KCNJ10: variants seen among roughly 807,000 people sequenced by gnomAD.
The protein encoded by KCNJ10 is potassium inwardly rectifying channel subfamily J member 10, also known as ATP-sensitive inward rectifier potassium channel 10.
KCNJ10 carries 9 observed loss-of-function variants against 22.2 expected under a neutral mutation model. The ratio of observed to expected loss-of-function variants is 0.40; its 90% CI spans 0.24 to 0.71. KCNJ10 has a LOEUF of 0.71. Ranked by LOEUF, KCNJ10 falls within the 30% of genes least tolerant of loss-of-function variation. The probability of loss-of-function intolerance (pLI) is 0.35; values close to 1 mark genes in which losing one functional copy is unlikely to be tolerated. For missense variants in KCNJ10, 337 were observed against 482.7 expected (o/e 0.70, Z 2.83); for synonymous variants, 184 against 187.3 (o/e 0.98, Z 0.15).
chr1:160,047,766 T>G (rs976054009), intron 1 of KCNJ10, among the ~76,000 whole-genome samples: 1 of 152,056 alleles, frequency 6.6e-6, no homozygotes, highest in Admixed American at 6.5e-5. Context: ...GGGATCTCAC[T>G]CTGTTACCCA....
chr1:160,053,397 GGA>G (rs1456135877), intron 1 of KCNJ10, among the ~76,000 whole-genome samples: 1 of 152,202 alleles, frequency 6.6e-6, no homozygotes, highest in Non-Finnish European at 1.5e-5. Flanking sequence ...AGAAAATGAA[GGA>G]GAGGGGTAAG....
chr1:160,045,108 AT>A (rs1275547981), intron 1 of KCNJ10, among the ~76,000 whole-genome samples: 55 of 152,228 alleles, frequency 3.6e-4, no homozygotes, highest in Admixed American at 2.7e-3. Context: ...ACTTCAGGAG[AT>A]TTTTGACAAG....
intron 1 of KCNJ10, among the ~76,000 whole-genome samples, chr1:160,049,133 C>T (rs1208242826): frequency 2.6e-5 from 4 of 152,148 alleles, no homozygotes; most frequent in Non-Finnish European, 4.4e-5. Context: ...TAGATTCATG[C>T]CCAGGTCCCG....
chr1:160,068,304 G>A (rs1415805963), intron 1 of KCNJ10, among the ~76,000 whole-genome samples: 4 of 152,054 alleles, frequency 2.6e-5, no homozygotes. Flanking sequence ...CTCCATCGGT[G>A]GAGTCATTGC....
chr1:160,043,058 A>G (rs929042969), intron 1 of KCNJ10, among the ~76,000 whole-genome samples: 2 of 152,188 alleles, frequency 1.3e-5, no homozygotes, highest in Admixed American at 1.3e-4. Flanking sequence ...ACACAGTCTG[A>G]TATTTGTAAT....
intron 1 of KCNJ10, among the ~76,000 whole-genome samples, chr1:160,066,454 G>C (rs966515792): frequency 2.0e-5 from 3 of 152,192 alleles, no homozygotes; most frequent in Admixed American, 1.3e-4. Context: ...AACAAGGAAA[G>C]ATGACACAGT....
In KCNJ10 at chr1:160,052,267, T is replaced by C. The variant is rs573597983; in HGVS notation, c.1-9735A>G. ...ATTATCTTAGGTTTGAAGGTCTTTC[T>C]GAACCAATCACTGTTTGGTAAAGAC... is the stretch of plus-strand genomic sequence containing the variant. On this transcript the variant is annotated intron_variant, in intron 1 of 1. Transcript: ENST00000644903. Among the ~76,000 whole-genome samples the C allele has an allele frequency of 1.1e-4, 16 of 152,338 alleles. No homozygotes were observed. In the South Asian group the frequency reaches 2.9e-3, roughly 28 times the overall value.
chr1:160,048,401 T>G (rs993273011), intron 1 of KCNJ10, among the ~76,000 whole-genome samples: 5 of 152,206 alleles, frequency 3.3e-5, no homozygotes, highest in African/African-American at 1.2e-4. Context: ...GGGCCAACTG[T>G]TCCATTTGCA....
intron 1 of KCNJ10, among the ~76,000 whole-genome samples, chr1:160,060,374 T>C (rs1482808108): frequency 6.6e-6 from 1 of 151,990 alleles, no homozygotes; most frequent in Admixed American, 6.6e-5. Context: ...AGCAAAAGAA[T>C]CACACCAGAG....
chr1:160,067,293 C>T (rs981867876), intron 1 of KCNJ10, among the ~76,000 whole-genome samples: 1 of 152,052 alleles, frequency 6.6e-6, no homozygotes, highest in Non-Finnish European at 1.5e-5. Context: ...GGAAGAGGGG[C>T]CACCAGATGC....
intron 1 of KCNJ10, among the ~76,000 whole-genome samples, chr1:160,056,733 T>C (rs1051280181): frequency 3.9e-5 from 6 of 152,170 alleles, no homozygotes; most frequent in African/African-American, 1.4e-4. Flanking sequence ...TTTAACCTAA[T>C]TGGTTAGTAA....
At chr1:160,049,675 T>TTATTTATA (rs1283511580) in intron 1 of KCNJ10, among the ~76,000 whole-genome samples, 1,089 of 46,982 alleles carry the variant, frequency 0.023, 42 homozygotes, top group Non-Finnish European at 0.033. Context: ...TTTTATTTAT[T>TTATTTATA]TATATATATA....
intron 1 of KCNJ10, among the ~76,000 whole-genome samples, chr1:160,045,882 A>G (rs939910454): frequency 6.6e-6 from 1 of 152,262 alleles, no homozygotes; most frequent in Non-Finnish European, 1.5e-5. Context: ...TCCAAGAGGA[A>G]CAATCAGGGA....
At chr1:160,045,525 T>C (rs979052239) in intron 1 of KCNJ10, among the ~76,000 whole-genome samples, 4 of 152,188 alleles carry the variant, frequency 2.6e-5, no homozygotes, top group Non-Finnish European at 5.9e-5. Flanking sequence ...CAGTACAATA[T>C]AAAAAAATTA....
rs775848365 is a variant in KCNJ10, at chr1:160,041,762, A to G, written c.771T>C (p.His257=). The G allele has an allele frequency of 6.2e-6, 10 of 1,614,118 alleles. No individual in the cohort carries two copies. The highest frequency in any genetic ancestry group is 1.3e-5 in the African/African-American group (1 of 75,024). ...TCAAGGGACTGGTCTCATCTACCAC[A>G]TGATAGAAGGTAAGGGGTAGAATAA... ...PFLILPLTFY[H]VVDETSPLKD... Residue 257 remains histidine (H), a synonymous_variant, in exon 2 of 2, where the codon CAT becomes CAC. Coordinates refer to ENST00000644903, the MANE Select transcript of KCNJ10 (RefSeq NM_002241.5). The surrounding 1 kb of genome is among the most constrained non-coding windows in gnomAD (Gnocchi z 4.4).
At chr1:160,064,697 C>G (rs1325180478) in intron 1 of KCNJ10, 1 of 152,238 alleles carries the variant, frequency 6.6e-6, no homozygotes, top group Non-Finnish European at 1.5e-5. Flanking sequence ...TACACTCACC[C>G]TCTCCTCTTA....
In KCNJ10 at chr1:160,042,430, C is replaced by G; in HGVS notation, c.103G>C (p.Gly35Arg). 1 of 1,614,198 alleles carries G rather than the reference C, an allele frequency of 6.2e-7. No homozygotes were observed. Among genetic ancestry groups the G allele is most frequent in the Non-Finnish European group, 8.5e-7 (1 of 1,180,032 alleles). The change falls in exon 2 of 2, where the codon GGT becomes CGT. Residue 35 changes from glycine to arginine, a missense_variant. By Grantham distance (125) the Gly-to-Arg change is moderately radical. Coordinates refer to ENST00000644903, the MANE Select transcript of KCNJ10 (RefSeq NM_002241.5). ...TGCTCCATTCTCACGTTGCTGCGAC[C>G]ATCTTTTGTCAGGACTCTCCGCCGT... ...IRRRRVLTKD[G>R]RSNVRMEHIA... is the part of the protein sequence containing the mutation.
intron 1 of KCNJ10, among the ~76,000 whole-genome samples, chr1:160,061,755 G>T (rs1285721196): frequency 6.8e-6 from 1 of 146,890 alleles, no homozygotes; most frequent in Non-Finnish European, 1.5e-5. Context: ...AAAAGGGAAA[G>T]GGGGGTGGGG....
chr1:160,067,059 T>C (rs1011867769), intron 1 of KCNJ10, among the ~76,000 whole-genome samples: 8 of 152,246 alleles, frequency 5.3e-5, no homozygotes, highest in African/African-American at 1.9e-4. Flanking sequence ...CTGCACCTTG[T>C]TGGAGGCTTG....
Sources: gnomAD v4.1 joint callset for allele counts (sites outside exome capture counted in the v4.1 genomes callset) on GRCh38, gnomAD v4.1.1 for gene constraint, Gnocchi (gnomAD v3.1) non-coding constraint, MANE v1.5 for transcripts, NCBI Gene and HGNC (gene_info 2026-07-23, HGNC 2026-07-21) for gene names.